GCC2: variants seen among roughly 807,000 people sequenced by gnomAD.
The protein encoded by GCC2 is GRIP and coiled-coil domain containing 2.
GCC2 carries 120 observed loss-of-function variants against 210.6 expected under a neutral mutation model. The ratio of observed to expected loss-of-function variants is 0.57; its 90% CI spans 0.49 to 0.66. The LOEUF (loss-of-function observed/expected upper bound fraction) is 0.66. GCC2 is among the 30% of genes least tolerant of loss of function. The pLI, the probability that GCC2 is intolerant of heterozygous loss-of-function variation, is 0.00. For synonymous variants in GCC2, 703 were observed against 652.7 expected (o/e 1.08, Z -1.17); for missense variants, 1,868 against 1,871.9 (o/e 1.00, Z 0.04).
intron 6 of GCC2, 135 bp downstream of exon 6, chr2:108,472,251 A>G (rs1471847977): frequency 2.0e-6 from 1 of 506,684 alleles, no homozygotes; most frequent in Non-Finnish European, 3.4e-6. Flanking sequence ...CTTTCTGAAA[A>G]GTGCATTAGA....
intron 1 of GCC2, 132 bp from the exon 2 acceptor site, chr2:108,449,501 C>T (rs1351932006): frequency 8.2e-6 from 10 of 1,216,290 alleles, no homozygotes; most frequent in Non-Finnish European, 1.1e-5. Flanking sequence ...TCCGTCCGCC[C>T]TCATTCTCTG....
intron 21 of GCC2, among the ~76,000 whole-genome samples, chr2:108,498,473 C>T (rs1156557981): frequency 6.6e-6 from 1 of 151,990 alleles, no homozygotes; most frequent in East Asian, 1.9e-4. Context: ...GGATTACAGG[C>T]ATGAGCCACC....
Position 108,481,724 on chromosome 2 carries a change from T to A in GCC2, c.3088T>A (p.Ser1030Thr). The change falls in exon 10 of 23, where the codon TCA (serine) becomes ACA (threonine). Residue 1030 changes from serine to threonine, a missense_variant. This residue lies in a region of GCC2 where 1,847 missense variants were observed against 1,765.2 expected (regional missense o/e 1.05). Transcript: ENST00000309863. Reference sequence around the variant, plus strand: ...TCTTTTATTAGAATATGAAAAGCAGTCAGAGCAACTGGATGTGGAAAAAGA... The same window carrying A: ...TCTTTTATTAGAATATGAAAAGCAGACAGAGCAACTGGATGTGGAAAAAGA... Reference protein sequence around the residue: ...KNLLLEYEKQSEQLDVEKERA... With the variant: ...KNLLLEYEKQTEQLDVEKERA... 3.2e-5 allele frequency: 51 copies of A among 1,599,336 alleles called. No individual in the cohort carries two copies. The highest frequency in any genetic ancestry group is 4.4e-5 in the Non-Finnish European group (51 of 1,171,554).
chr2:108,449,331 T>C, intron 1 of GCC2, 51 bp downstream of exon 1: 2 of 1,539,956 alleles, frequency 1.3e-6, no homozygotes, highest in South Asian at 1.2e-5. Context: ...GCGCCGCGAT[T>C]TGGGATGTGG....
In GCC2 at chr2:108,493,722, C is replaced by T. The variant is rs2917994; in HGVS notation, c.4447+932C>T. 85 of 985,338 alleles carry T rather than the reference C, an allele frequency of 8.6e-5. No homozygotes were observed. The East Asian group carries it at 2.0e-3, about 24-fold the overall frequency. The allele number at this position is 985,338 out of a possible 1,614,324, so 61.0% of individuals were successfully genotyped here. On this transcript the variant is annotated intron_variant, in intron 19 of 22. Coordinates refer to ENST00000309863, the MANE Select transcript of GCC2 (RefSeq NM_181453.4). ...GAAATATTGTCACTGGAGCATTAGCCGCTATCGGTCACTTATTAGGGTAAA... is the reference window on the plus strand; with the variant it reads ...GAAATATTGTCACTGGAGCATTAGCTGCTATCGGTCACTTATTAGGGTAAA...
chr2:108,504,631 T>C (rs1683097102), intron 22 of GCC2, among the ~76,000 whole-genome samples: 1 of 152,114 alleles, frequency 6.6e-6, no homozygotes, highest in Non-Finnish European at 1.5e-5. Flanking sequence ...ACAAATTGAG[T>C]GTTTCATTTC....
At chr2:108,491,442 A>G (rs1032787872) in intron 18 of GCC2, among the ~76,000 whole-genome samples, 7 of 152,202 alleles carry the variant, frequency 4.6e-5, no homozygotes, top group African/African-American at 1.7e-4. Flanking sequence ...TGTATACACT[A>G]GTATTTTCTA....
chr2:108,456,442 G>T (rs1397530837), intron 4 of GCC2, among the ~76,000 whole-genome samples: 1 of 152,110 alleles, frequency 6.6e-6, no homozygotes, highest in African/African-American at 2.4e-5. Context: ...TATCCCTGAT[G>T]ATTAGTGATA....
chr2:108,469,610 T>C, intron 5 of GCC2, 41 bp from the exon 6 acceptor site: 1 of 1,433,650 alleles, frequency 7.0e-7, no homozygotes, highest in Non-Finnish European at 9.5e-7. Context: ...GCTCCTTTTG[T>C]CTTACTTAAA....
chr2:108,482,376 A>G lies in GCC2; in HGVS notation c.3270A>G (p.Leu1090=), dbSNP rs1681905419. 1 of 1,578,832 alleles carries G rather than the reference A, an allele frequency of 6.3e-7. No individual in the cohort carries two copies. The highest frequency in any genetic ancestry group is 1.3e-5 in the African/African-American group (1 of 74,238). Residue 1090 remains leucine, a synonymous_variant, in exon 11 of 23, where the codon TTA becomes TTG. Transcript: ENST00000309863. The part of the protein sequence containing the change: ...SNAKLLEVQI[L]EVQRAKAMVD... ...CCAAATTATTAGAAGTACAGATTTT[A>G]GAAGTCCAGAGAGCCAAAGCAATGG...
chr2:108,459,597 G>A (rs750314957), intron 4 of GCC2, among the ~76,000 whole-genome samples: 6 of 151,828 alleles, frequency 4.0e-5, no homozygotes, highest in Admixed American at 6.6e-5. Context: ...TGCCCAGTAC[G>A]ATTGCACTGG....
intron 12 of GCC2, among the ~76,000 whole-genome samples, chr2:108,483,819 A>G (rs182809665): frequency 6.6e-6 from 1 of 152,328 alleles, no homozygotes; most frequent in African/African-American, 2.4e-5. Context: ...AGATGAGGCT[A>G]AAAAGAAATG....
chr2:108,457,836 A>G (rs1456452979), intron 4 of GCC2, among the ~76,000 whole-genome samples: 1 of 152,116 alleles, frequency 6.6e-6, no homozygotes, highest in Non-Finnish European at 1.5e-5. Context: ...TATCAGCTCT[A>G]AGAATTTTTT....
intron 4 of GCC2, among the ~76,000 whole-genome samples, chr2:108,466,409 G>A (rs1680885959): frequency 6.6e-6 from 1 of 151,980 alleles, no homozygotes; most frequent in African/African-American, 2.4e-5. Flanking sequence ...ATACATATTT[G>A]TTGTTATTTT....
chr2:108,500,118 T>C (rs541010362), intron 22 of GCC2, among the ~76,000 whole-genome samples: 1 of 150,960 alleles, frequency 6.6e-6, no homozygotes, highest in Non-Finnish European at 1.5e-5. Context: ...TTCACGCCTC[T>C]TCCTTCCTCC....
chr2:108,494,783 C>T (rs10207391), intron 19 of GCC2: 56,771 of 152,320 alleles, frequency 0.37, 12,358 homozygotes, highest in East Asian at 0.9. Context: ...AAATGAGTAA[C>T]GTATTTAAAA....
At chr2:108,493,532 G>A in intron 19 of GCC2, 1 of 985,532 alleles carries the variant, frequency 1.0e-6, no homozygotes, top group Non-Finnish European at 1.2e-6. Context: ...TGTTAGAACT[G>A]CATAACCAAT....
At chr2:108,489,495 A>G (rs890012605) in intron 17 of GCC2, among the ~76,000 whole-genome samples, 1 of 151,968 alleles carries the variant, frequency 6.6e-6, no homozygotes, top group Non-Finnish European at 1.5e-5. Context: ...AGCCTGGGCA[A>G]CAGAGCCAGA....
At chr2:108,464,273 T>G (rs562088179) in intron 4 of GCC2, among the ~76,000 whole-genome samples, 1 of 152,260 alleles carries the variant, frequency 6.6e-6, no homozygotes, top group African/African-American at 2.4e-5. Flanking sequence ...CAGTGGAATT[T>G]GTCCTCAGGG....
Sources: gnomAD v4.1 joint callset for allele counts (sites outside exome capture counted in the v4.1 genomes callset) on GRCh38, gnomAD v4.1.1 for gene constraint, gnomAD v4.1.1 regional missense constraint, MANE v1.5 for transcripts, NCBI Gene and HGNC (gene_info 2026-07-23, HGNC 2026-07-21) for gene names.